Variants in ZNF892 observed in about 807,000 individuals in gnomAD.
The protein encoded by ZNF892 is zinc finger protein 892.
At chr2:95,249,303 C>T in the ZNF892 span, among the ~76,000 whole-genome samples, 3 of 123,876 alleles carry the variant, frequency 2.4e-5, no homozygotes, top group Non-Finnish European at 3.2e-5. Context: ...TGCAGTGGCA[C>T]GATCTCGGCT....
the ZNF892 span, among the ~76,000 whole-genome samples, chr2:95,220,364 G>A: frequency 2.5e-5 from 3 of 122,246 alleles, no homozygotes; most frequent in Non-Finnish European, 5.2e-5. Context: ...TTTTTTTTTT[G>A]GTCTGTGCCT....
the ZNF892 span, among the ~76,000 whole-genome samples, chr2:95,230,520 G>A: frequency 1.1e-4 from 17 of 152,164 alleles, no homozygotes; most frequent in South Asian, 1.2e-3. Context: ...GTTGCTTTGC[G>A]GAAGTTCTTT....
At chr2:95,232,496 G>C in the ZNF892 span, among the ~76,000 whole-genome samples, 1 of 152,186 alleles carries the variant, frequency 6.6e-6, no homozygotes, top group Non-Finnish European at 1.5e-5. Context: ...CAGAATGATA[G>C]GAGAGAGATT....
chr2:95,262,299 G>A, the ZNF892 span, among the ~76,000 whole-genome samples: 2 of 152,252 alleles, frequency 1.3e-5, no homozygotes, highest in African/African-American at 4.8e-5. Context: ...AGATAACCTC[G>A]AGACACAGAG....
chr2:95,237,110 G>T, the ZNF892 span, among the ~76,000 whole-genome samples: 1 of 149,492 alleles, frequency 6.7e-6, no homozygotes, highest in African/African-American at 2.5e-5. Context: ...CACCATTGTT[G>T]GATCTGTTAT....
chr2:95,231,362 CAG>C, the ZNF892 span, among the ~76,000 whole-genome samples: 1 of 152,136 alleles, frequency 6.6e-6, no homozygotes, highest in Non-Finnish European at 1.5e-5. Flanking sequence ...TCTATAGTGA[CAG>C]AAAGTAGAAG....
the ZNF892 span, among the ~76,000 whole-genome samples, chr2:95,254,966 C>G: frequency 2.6e-5 from 4 of 152,056 alleles, no homozygotes; most frequent in Non-Finnish European, 4.4e-5. Context: ...TTTGATTCTT[C>G]TCTTTCTTCT....
the ZNF892 span, among the ~76,000 whole-genome samples, chr2:95,220,760 C>G: frequency 0.023 from 3,537 of 152,234 alleles, 133 homozygotes; most frequent in African/African-American, 0.081. Context: ...CCTGCTTCAT[C>G]TAGCTTTGAA....
At chr2:95,227,057 A>T in the ZNF892 span, among the ~76,000 whole-genome samples, 1 of 152,030 alleles carries the variant, frequency 6.6e-6, no homozygotes, top group South Asian at 2.1e-4. Flanking sequence ...CAATTTATTG[A>T]TATGGCCCTA....
chr2:95,260,888 A>G, the ZNF892 span, among the ~76,000 whole-genome samples: 16 of 152,204 alleles, frequency 1.1e-4, no homozygotes, highest in Non-Finnish European at 2.4e-4. Context: ...GCTTTGGCAC[A>G]TGGAAGACTG....
chr2:95,236,277 C>T, the ZNF892 span, among the ~76,000 whole-genome samples: 1 of 152,288 alleles, frequency 6.6e-6, no homozygotes, highest in South Asian at 2.1e-4. Flanking sequence ...TTCCAGAATT[C>T]TGGAGGAATC....
At chr2:95,258,552 T>G in the ZNF892 span, among the ~76,000 whole-genome samples, 2 of 152,150 alleles carry the variant, frequency 1.3e-5, no homozygotes, top group African/African-American at 4.8e-5. Context: ...GGAAGGTTGT[T>G]TACCATAACT....
At chr2:95,243,274 C>T in the ZNF892 span, among the ~76,000 whole-genome samples, 4 of 152,076 alleles carry the variant, frequency 2.6e-5, 1 homozygote, top group East Asian at 3.9e-4. Flanking sequence ...GCCGCCACCC[C>T]GTCTGGGAAG....
At chr2:95,246,060 C>CA in the ZNF892 span, among the ~76,000 whole-genome samples, 2 of 152,144 alleles carry the variant, frequency 1.3e-5, no homozygotes, top group East Asian at 3.9e-4. Flanking sequence ...AGAGATACAA[C>CA]AAAAAAAGAA....
the ZNF892 span, among the ~76,000 whole-genome samples, chr2:95,246,855 G>A: frequency 6.6e-6 from 1 of 152,152 alleles, no homozygotes; most frequent in Non-Finnish European, 1.5e-5. Flanking sequence ...AGAAATTAGA[G>A]AGGACACAGA....
the ZNF892 span, among the ~76,000 whole-genome samples, chr2:95,217,380 T>C: frequency 1.6e-4 from 25 of 152,294 alleles, no homozygotes; most frequent in African/African-American, 5.8e-4. Flanking sequence ...TTTATGTCCT[T>C]CTGTGCAGAA....
At chr2:95,215,683 T>C in the ZNF892 span, 3 of 397,802 alleles carry the variant, frequency 7.5e-6, no homozygotes, top group Non-Finnish European at 1.3e-5. Flanking sequence ...CAAAGAAATT[T>C]AAGACTGTGT....
the ZNF892 span, among the ~76,000 whole-genome samples, chr2:95,240,728 A>G: frequency 6.6e-6 from 1 of 152,188 alleles, no homozygotes; most frequent in Non-Finnish European, 1.5e-5. Context: ...CAGCCAGCCA[A>G]CAGCAACTGG....
chr2:95,214,890 T>C, the ZNF892 span: 1 of 502,684 alleles, frequency 2.0e-6, no homozygotes, highest in South Asian at 5.1e-5. Flanking sequence ...TGGGAAAGCC[T>C]TCAGTCACCG....
Sources: allele counts gnomAD v4.1 joint callset (sites outside exome capture counted in the v4.1 genomes callset), GRCh38; gene constraint gnomAD v4.1.1; transcripts MANE v1.5; gene names NCBI Gene and HGNC (gene_info 2026-07-23, HGNC 2026-07-21).